HDAC4: variants seen among roughly 807,000 people sequenced by gnomAD.
HDAC4 encodes the protein histone deacetylase A.
In HDAC4, 16 loss-of-function variants were observed where a neutral mutation model predicts 135.1. The observed-to-expected ratio is 0.12, with a 90% CI of 0.08 to 0.18. The LOEUF is 0.18. HDAC4 is among the 10% of genes least tolerant of loss of function. HDAC4 has a pLI of 1.00. For synonymous variants in HDAC4, 685 were observed against 653.4 expected, an observed-to-expected ratio of 1.05 and a Z score of -0.74; for missense variants, 1,143 against 1,511.8, an observed-to-expected ratio of 0.76 and a Z score of 4.05.
chr2:239,133,536 G>A (rs1433516866), intron 11 of HDAC4, among the ~76,000 whole-genome samples: 1 of 152,148 alleles, frequency 6.6e-6, no homozygotes, highest in African/African-American at 2.4e-5. Flanking sequence ...CCACCATCTC[G>A]GGTCACTATA....
chr2:239,224,345 G>A (rs1180228699), intron 3 of HDAC4, among the ~76,000 whole-genome samples: 1 of 152,116 alleles, frequency 6.6e-6, no homozygotes, highest in Non-Finnish European at 1.5e-5. Flanking sequence ...CCTGTCCCAC[G>A]TGGCCACTGC....
chr2:239,168,276 A>G (rs947656040), intron 5 of HDAC4, among the ~76,000 whole-genome samples: 2 of 152,104 alleles, frequency 1.3e-5, no homozygotes, highest in African/African-American at 4.8e-5. Flanking sequence ...GCGGGGCTGT[A>G]TTCGCTCCAC....
At chr2:239,359,446 A>G (rs1461000748) in intron 1 of HDAC4, among the ~76,000 whole-genome samples, 1 of 152,234 alleles carries the variant, frequency 6.6e-6, no homozygotes, top group Non-Finnish European at 1.5e-5. Context: ...GCTTCTCAGA[A>G]TCTTGTGTCC....
chr2:239,149,654 C>T (rs528049561), intron 7 of HDAC4, among the ~76,000 whole-genome samples: 18 of 152,288 alleles, frequency 1.2e-4, no homozygotes, highest in African/African-American at 3.4e-4. Flanking sequence ...AGGGCAGCCC[C>T]GCTGCCCAGC....
chr2:239,275,911 C>G (rs924589163), intron 2 of HDAC4, among the ~76,000 whole-genome samples: 8 of 152,110 alleles, frequency 5.3e-5, no homozygotes, highest in African/African-American at 1.9e-4. Context: ...TGTCGCCTGC[C>G]TCATTTGGGA....
At chr2:239,162,030 C>T in intron 6 of HDAC4, 1 of 435,026 alleles carries the variant, frequency 2.3e-6, no homozygotes, top group Middle Eastern at 3.4e-4. Context: ...CCACTGACTC[C>T]TGGGCGAGGG....
At chr2:239,079,721 CGTGTGT>C (rs747106793) in intron 22 of HDAC4, among the ~76,000 whole-genome samples, 3 of 151,982 alleles carry the variant, frequency 2.0e-5, no homozygotes, top group Non-Finnish European at 4.4e-5. Context: ...CACAAGCACA[CGTGTGT>C]GTACTCATAT....
intron 2 of HDAC4, among the ~76,000 whole-genome samples, chr2:239,345,134 C>T (rs1015902786): frequency 2.0e-5 from 3 of 152,182 alleles, no homozygotes; most frequent in African/African-American, 7.2e-5. Flanking sequence ...TACCTCCCGC[C>T]ACCTTGTTTC....
At chr2:239,287,460 T>C (rs2051202251) in intron 2 of HDAC4, among the ~76,000 whole-genome samples, 1 of 152,220 alleles carries the variant, frequency 6.6e-6, no homozygotes. Context: ...AAAGGTGTAC[T>C]GTTGACACGA....
intron 2 of HDAC4, among the ~76,000 whole-genome samples, chr2:239,329,144 AT>A (rs1462031620): frequency 7.1e-6 from 1 of 140,764 alleles, no homozygotes; most frequent in Non-Finnish European, 1.5e-5. Flanking sequence ...AACCCCCCAC[AT>A]CCCCCCCAGT....
At position 239,075,266 on chromosome 2, in the gene HDAC4, A is replaced by C. The variant is rs540148361; in HGVS notation, c.2750+5829T>G. Among the ~76,000 whole-genome samples the C allele has an allele frequency of 9.3e-5, 14 of 150,708 alleles. No homozygotes were observed. The East Asian group carries it at 2.5e-3, about 27-fold the overall frequency. On this transcript the variant is annotated intron_variant, in intron 22 of 26. Coordinates refer to ENST00000543185, the MANE Select transcript of HDAC4 (RefSeq NM_001378414.1). ...AAAAAAAAAAAAGAACTCAGTCTCT[A>C]AAAAAATAAGATTGAGATGTTTGCC...
At chr2:239,214,625 C>T (rs543400778) in intron 3 of HDAC4, among the ~76,000 whole-genome samples, 7 of 152,134 alleles carry the variant, frequency 4.6e-5, no homozygotes, top group African/African-American at 1.2e-4. Context: ...TGGCTCGCCA[C>T]GCGTGGCAAT....
chr2:239,246,945 A>G (rs1414524646), intron 2 of HDAC4, among the ~76,000 whole-genome samples: 1 of 152,274 alleles, frequency 6.6e-6, no homozygotes, highest in Admixed American at 6.5e-5. Flanking sequence ...ATCACCTGGC[A>G]TGCACCGTGT....
At position 239,090,254 on chromosome 2, in the gene HDAC4, C is replaced by A. The variant is rs1174176549; in HGVS notation, c.2281-138G>T. 4 of 703,476 alleles carry A rather than the reference C, an allele frequency of 5.7e-6. No individual in the cohort carries two copies. In the African/African-American group the frequency reaches 7.0e-5, roughly 12 times the overall value. 43.6% of individuals were successfully genotyped at this position (703,476 alleles called of 1,614,324 possible). The stretch of plus-strand genomic sequence containing the variant: ...CCTACCAGAGCCAGGGCAGCTGCAG[C>A]CCACGTTCAGCCTTCAATCTTTTTA... On this transcript the variant is annotated intron_variant, in intron 17 of 26. Coordinates refer to ENST00000543185, the MANE Select transcript of HDAC4 (RefSeq NM_001378414.1).
intron 4 of HDAC4, chr2:239,186,383 A>G (rs1198889184): frequency 6.6e-6 from 1 of 152,272 alleles, no homozygotes; most frequent in Non-Finnish European, 1.5e-5. Flanking sequence ...AACAAACAAT[A>G]TGATGGCTTA....
chr2:239,121,003 T>TC (rs1221323647), intron 12 of HDAC4, among the ~76,000 whole-genome samples: 4 of 53,078 alleles, frequency 7.5e-5, no homozygotes, highest in Non-Finnish European at 1.8e-4. Context: ...TAAATTTCTT[T>TC]TTTTTTTTTT....
At chr2:239,320,664 CTT>C (rs2125760694) in intron 2 of HDAC4, among the ~76,000 whole-genome samples, 1 of 152,204 alleles carries the variant, frequency 6.6e-6, no homozygotes, top group East Asian at 1.9e-4. Flanking sequence ...TTTTCTGAAT[CTT>C]TTTGAGTCTT....
intron 3 of HDAC4, among the ~76,000 whole-genome samples, chr2:239,201,521 AG>A: frequency 6.6e-6 from 1 of 152,206 alleles, no homozygotes; most frequent in Admixed American, 6.5e-5. Flanking sequence ...ATTTGCTGAG[AG>A]CCTACAGCCC....
intron 16 of HDAC4, among the ~76,000 whole-genome samples, chr2:239,101,207 C>T (rs1158364777): frequency 2.0e-5 from 3 of 152,188 alleles, no homozygotes; most frequent in Non-Finnish European, 1.5e-5. Context: ...TTTTAGAAGC[C>T]TCCATACCAC....
Sources: allele counts gnomAD v4.1 joint callset (sites outside exome capture counted in the v4.1 genomes callset), GRCh38; gene constraint gnomAD v4.1.1; transcripts MANE v1.5; gene names NCBI Gene and HGNC (gene_info 2026-07-23, HGNC 2026-07-21).